RSRC1: variants seen among roughly 807,000 people sequenced by gnomAD.
RSRC1 encodes the protein serine/Arginine-related protein 53.
RSRC1 carries 39 observed loss-of-function variants against 49.1 expected under a neutral mutation model. That is an observed-to-expected ratio of 0.79 (90% CI 0.61 to 1.04). The LOEUF (loss-of-function observed/expected upper bound fraction) is 1.04. Ranked by LOEUF, RSRC1 falls within the 50% of genes least tolerant of loss-of-function variation. The probability of loss-of-function intolerance (pLI) is 0.00; values close to 1 mark genes in which losing one functional copy is unlikely to be tolerated. For synonymous variants in RSRC1, 143 were observed against 130.8 expected (o/e 1.09, Z -0.63); for missense variants, 388 against 402.4 (o/e 0.96, Z 0.31).
intron 6 of RSRC1, among the ~76,000 whole-genome samples, chr3:158,435,226 T>A (rs919325429): frequency 2.0e-5 from 3 of 151,818 alleles, no homozygotes; most frequent in Admixed American, 1.3e-4. Flanking sequence ...TGCATTTTTT[T>A]TAATTAATAC....
chr3:158,459,268 T>A (rs2108403148), intron 6 of RSRC1, among the ~76,000 whole-genome samples: 1 of 152,154 alleles, frequency 6.6e-6, no homozygotes, highest in Non-Finnish European at 1.5e-5. Context: ...TAGCAACAAA[T>A]CAGTAAGAAA....
At chr3:158,164,979 C>T (rs907096363) in intron 3 of RSRC1, among the ~76,000 whole-genome samples, 2 of 152,074 alleles carry the variant, frequency 1.3e-5, no homozygotes, top group Non-Finnish European at 2.9e-5. Flanking sequence ...CCCTATATAG[C>T]CTTCTTGAAG....
In RSRC1 at chr3:158,447,117, G is replaced by A. The variant is rs115888356; in HGVS notation, c.584-13818G>A. Among the ~76,000 whole-genome samples the A allele has an allele frequency of 5.1e-3, 775 of 152,084 alleles. 4 individuals are homozygous for A. The highest frequency in any genetic ancestry group is 0.018 in the African/African-American group (732 of 41,520). On this transcript the variant is annotated intron_variant, in intron 6 of 9. Coordinates refer to ENST00000611884, the MANE Select transcript of RSRC1 (RefSeq NM_001271838.2). The stretch of plus-strand genomic sequence containing the variant: ...AACATGCTTTTAACAGGATTAAATC[G>A]AGGCATGGCATAAAGCTCCTTTGGG...
chr3:158,530,474 A>G (rs1712319342), intron 7 of RSRC1, among the ~76,000 whole-genome samples: 1 of 151,750 alleles, frequency 6.6e-6, no homozygotes, highest in Non-Finnish European at 1.5e-5. Flanking sequence ...TATATTATTT[A>G]CTTGTTTATT....
chr3:158,303,934 T>C (rs997165079), intron 5 of RSRC1, among the ~76,000 whole-genome samples: 1 of 152,218 alleles, frequency 6.6e-6, no homozygotes, highest in Non-Finnish European at 1.5e-5. Context: ...ATTAAATGAA[T>C]GATAATACAT....
chr3:158,166,720 T>C (rs928940294), intron 3 of RSRC1, among the ~76,000 whole-genome samples: 1 of 152,226 alleles, frequency 6.6e-6, no homozygotes, highest in Non-Finnish European at 1.5e-5. Context: ...TAGTCTATTG[T>C]TTCAGTATTT....
intron 8 of RSRC1, among the ~76,000 whole-genome samples, chr3:158,542,477 G>T (rs1169837592): frequency 6.6e-6 from 1 of 152,248 alleles, no homozygotes; most frequent in African/African-American, 2.4e-5. Flanking sequence ...AGAGGTTGCA[G>T]TGAGCCAAGA....
chr3:158,249,853 A>C (rs552879051), intron 4 of RSRC1, among the ~76,000 whole-genome samples: 1 of 152,178 alleles, frequency 6.6e-6, no homozygotes, highest in Non-Finnish European at 1.5e-5. Flanking sequence ...GTTATTTTTG[A>C]ATGTGTAATA....
chr3:158,274,638 T>C (rs1725705379), intron 4 of RSRC1, among the ~76,000 whole-genome samples: 1 of 152,144 alleles, frequency 6.6e-6, no homozygotes, highest in Admixed American at 6.5e-5. Context: ...GACAATTCCT[T>C]GTCTACATTT....
At chr3:158,385,945 A>T (rs1732943558) in intron 6 of RSRC1, among the ~76,000 whole-genome samples, 1 of 152,136 alleles carries the variant, frequency 6.6e-6, no homozygotes, top group Non-Finnish European at 1.5e-5. Flanking sequence ...TGTGCTGTCT[A>T]AAGAAGCATG....
chr3:158,187,014 G>A (rs1719970620), intron 3 of RSRC1, among the ~76,000 whole-genome samples: 1 of 151,726 alleles, frequency 6.6e-6, no homozygotes, highest in Non-Finnish European at 1.5e-5. Flanking sequence ...AAAATGATAC[G>A]GCCATCAGAT....
rs143704325 is a variant in RSRC1, at chr3:158,135,888, A to G, written c.320+11897A>G. Among the ~76,000 whole-genome samples, 342 of 152,274 alleles carry G rather than the reference A, an allele frequency of 2.2e-3. 1 individual carries two copies. The Middle Eastern group carries it at 0.041, about 18-fold the overall frequency. On this transcript the variant is annotated intron_variant, in intron 3 of 9. Coordinates refer to ENST00000611884, the MANE Select transcript of RSRC1 (RefSeq NM_001271838.2). ...CTCAAAATGTACTTTTCTCCCACCC[A>G]TGATCTGTAATTAATCTTTTAGGTC...
At chr3:158,163,894 A>G (rs112806329) in intron 3 of RSRC1, among the ~76,000 whole-genome samples, 5 of 152,272 alleles carry the variant, frequency 3.3e-5, no homozygotes, top group African/African-American at 1.2e-4. Flanking sequence ...AACGTAGAAG[A>G]ATAAATGAAT....
intron 6 of RSRC1, among the ~76,000 whole-genome samples, chr3:158,375,139 AAG>A (rs1039760983): frequency 2.0e-5 from 3 of 150,966 alleles, no homozygotes; most frequent in Non-Finnish European, 4.4e-5. Context: ...AGACCTTGAA[AAG>A]TAAATTGGAC....
chr3:158,327,274 A>T (rs946752234), intron 5 of RSRC1, among the ~76,000 whole-genome samples: 1 of 152,086 alleles, frequency 6.6e-6, no homozygotes, highest in Non-Finnish European at 1.5e-5. Flanking sequence ...GCTTTCTGCT[A>T]GGTTTTGAAT....
chr3:158,358,965 A>G (rs968407091), intron 6 of RSRC1, among the ~76,000 whole-genome samples: 1 of 151,332 alleles, frequency 6.6e-6, no homozygotes, highest in African/African-American at 2.4e-5. Flanking sequence ...TTATTAATCC[A>G]TTGATAAAAT....
chr3:158,175,231 T>C (rs373210168), intron 3 of RSRC1, among the ~76,000 whole-genome samples: 6 of 152,106 alleles, frequency 3.9e-5, no homozygotes, highest in African/African-American at 9.6e-5. Flanking sequence ...ATAAACCCTT[T>C]GTTGATATTA....
At chr3:158,163,759 A>ATGTTT (rs5853816) in intron 3 of RSRC1, among the ~76,000 whole-genome samples, 2 of 149,360 alleles carry the variant, frequency 1.3e-5, no homozygotes, top group Non-Finnish European at 3.0e-5. Flanking sequence ...CTTTATAGCA[A>ATGTTT]TTTTTTTTTT....
chr3:158,296,415 G>A (rs1727242768), intron 4 of RSRC1, among the ~76,000 whole-genome samples: 1 of 151,730 alleles, frequency 6.6e-6, no homozygotes, highest in Admixed American at 6.6e-5. Flanking sequence ...ATGGGAGGAA[G>A]ACTTAATTTT....
Sources: allele counts gnomAD v4.1 joint callset (sites outside exome capture counted in the v4.1 genomes callset), GRCh38; gene constraint gnomAD v4.1.1; transcripts MANE v1.5; gene names NCBI Gene and HGNC (gene_info 2026-07-23, HGNC 2026-07-21).